CSMD3: variants seen among roughly 807,000 people sequenced by gnomAD.
The protein encoded by CSMD3 is CUB and sushi domain-containing protein 3.
In CSMD3, 177 loss-of-function variants were observed where a neutral mutation model predicts 435.2. That is an observed-to-expected ratio of 0.41 (90% confidence interval 0.36 to 0.46). The LOEUF is 0.46. Ranked by LOEUF, CSMD3 falls within the 20% of genes least tolerant of loss-of-function variation. CSMD3 has a pLI of 0.34. For missense variants in CSMD3, 4,265 were observed against 4,504.6 expected (o/e 0.95, Z 1.52); for synonymous variants, 1,656 against 1,520.5 (o/e 1.09, Z -2.07).
chr8:113,104,957 A>T (rs1257735189), intron 4 of CSMD3, among the ~76,000 whole-genome samples: 5 of 152,112 alleles, frequency 3.3e-5, no homozygotes. Context: ...CATGTTGAGA[A>T]AATGAGAGAC....
intron 1 of CSMD3, among the ~76,000 whole-genome samples, chr8:113,432,928 C>T (rs1475649878): frequency 6.6e-6 from 1 of 152,168 alleles, no homozygotes; most frequent in Non-Finnish European, 1.5e-5. Context: ...TGTCCTCCTC[C>T]CAGCAGCACA....
At chr8:112,650,067 A>G in intron 19 of CSMD3, 94 bp downstream of exon 19, 1 of 934,900 alleles carries the variant, frequency 1.1e-6, no homozygotes, top group Non-Finnish European at 1.7e-6. Context: ...AAAAAACCTA[A>G]AATATTTATA....
chr8:112,675,308 A>G (rs2075747782), intron 16 of CSMD3, among the ~76,000 whole-genome samples: 1 of 152,114 alleles, frequency 6.6e-6, no homozygotes, highest in Non-Finnish European at 1.5e-5. Flanking sequence ...TTAAATCATC[A>G]GCTTTGAGGC....
intron 61 of CSMD3, among the ~76,000 whole-genome samples, chr8:112,263,201 G>T (rs1182415647): frequency 6.6e-6 from 1 of 150,418 alleles, no homozygotes; most frequent in African/African-American, 2.4e-5. Context: ...TGCTTACCCT[G>T]GTAATTTTAG....
intron 31 of CSMD3, among the ~76,000 whole-genome samples, chr8:112,482,466 C>T (rs1224509436): frequency 6.6e-6 from 1 of 152,078 alleles, no homozygotes; most frequent in Non-Finnish European, 1.5e-5. Context: ...AAACTAACAC[C>T]ATTTTCTAAT....
intron 5 of CSMD3, among the ~76,000 whole-genome samples, chr8:113,039,956 TATC>T (rs1227521886): frequency 6.6e-6 from 1 of 152,164 alleles, no homozygotes; most frequent in East Asian, 1.9e-4. Flanking sequence ...CAGACAAAGA[TATC>T]ATCCTCAAAG....
rs10113850 is a variant in CSMD3 at position 112,359,933 on chromosome 8, C to T, written c.6137-7399G>A. On this transcript the variant is annotated intron_variant, in intron 38 of 70. Transcript: ENST00000297405. The stretch of plus-strand genomic sequence containing the variant: ...AAGGGTTTACAACTTTCTTCTCCAA[C>T]TAGATTTTGGAATCTAAGAAGAGAT... Among the ~76,000 whole-genome samples, 144 of 152,162 alleles carry T rather than the reference C, an allele frequency of 9.5e-4. 1 individual carries two copies. Among genetic ancestry groups the T allele is most frequent in the African/African-American group, 3.4e-3 (143 of 41,550 alleles).
At chr8:113,086,632 T>A (rs2089791433) in intron 5 of CSMD3, among the ~76,000 whole-genome samples, 2 of 152,214 alleles carry the variant, frequency 1.3e-5, no homozygotes, top group Admixed American at 1.3e-4. Context: ...ATCAGGCATA[T>A]CTACTGAGTA....
chr8:113,122,330 A>G (rs759404218), intron 4 of CSMD3, among the ~76,000 whole-genome samples: 8 of 152,122 alleles, frequency 5.3e-5, no homozygotes, highest in Non-Finnish European at 7.4e-5. Context: ...AGAAGCATCC[A>G]TGTTTAGATA....
chr8:113,123,499 A>G (rs567261439), intron 4 of CSMD3, among the ~76,000 whole-genome samples: 1 of 152,114 alleles, frequency 6.6e-6, no homozygotes, highest in Admixed American at 6.6e-5. Context: ...TTCTTAAGTT[A>G]TTTATGTAAT....
intron 13 of CSMD3, among the ~76,000 whole-genome samples, chr8:112,733,662 T>C (rs893338457): frequency 6.6e-6 from 1 of 151,962 alleles, no homozygotes; most frequent in Admixed American, 6.6e-5. Context: ...TATTAAACAT[T>C]GTATTTTGAA....
chr8:112,886,754 T>A (rs925123774), intron 10 of CSMD3, among the ~76,000 whole-genome samples: 16 of 151,562 alleles, frequency 1.1e-4, no homozygotes, highest in African/African-American at 3.9e-4. Flanking sequence ...TCAAGTTCCT[T>A]ATAAAATGTG....
intron 2 of CSMD3, among the ~76,000 whole-genome samples, chr8:113,298,517 T>C (rs138338416): frequency 2.6e-5 from 4 of 152,302 alleles, no homozygotes; most frequent in Admixed American, 2.6e-4. Flanking sequence ...CAGCAAGTAT[T>C]TTATTGAGCA....
chr8:113,329,324 T>C (rs1368759190), intron 1 of CSMD3, among the ~76,000 whole-genome samples: 1 of 151,976 alleles, frequency 6.6e-6, no homozygotes, highest in East Asian at 1.9e-4. Context: ...ATGGAAATTC[T>C]GCAGTTGAAA....
chr8:112,270,739 A>G lies in CSMD3; in HGVS notation c.9509-5149T>C, dbSNP rs1342176209. Among the ~76,000 whole-genome samples, 4 of 152,156 alleles carry G rather than the reference A, an allele frequency of 2.6e-5. No homozygotes were observed. The East Asian group carries it at 7.7e-4, about 29-fold the overall frequency. On this transcript the variant is annotated intron_variant, in intron 59 of 70. Transcript: ENST00000297405. ...AAACATGCTCTAATATAAGTTAAAG[A>G]TTTTTGAAAAGCTAAAAATTGGATT...
chr8:113,274,731 G>C (rs2093556106), intron 3 of CSMD3, among the ~76,000 whole-genome samples: 1 of 151,782 alleles, frequency 6.6e-6, no homozygotes, highest in Non-Finnish European at 1.5e-5. Flanking sequence ...TAATGTGTTT[G>C]TTCATTAGCT....
chr8:112,413,322 GT>G (rs1300717302), intron 32 of CSMD3, among the ~76,000 whole-genome samples: 1 of 152,222 alleles, frequency 6.6e-6, no homozygotes, highest in African/African-American at 2.4e-5. Flanking sequence ...GAGAGGTAGG[GT>G]TCCATTGACT....
chr8:112,808,240 C>T (rs899368318), intron 12 of CSMD3, among the ~76,000 whole-genome samples: 3 of 151,962 alleles, frequency 2.0e-5, no homozygotes, highest in African/African-American at 7.3e-5. Context: ...GAAGTCTTTC[C>T]GTCTTTAAAT....
intron 4 of CSMD3, among the ~76,000 whole-genome samples, chr8:113,152,091 A>C (rs986178160): frequency 6.6e-6 from 1 of 151,716 alleles, no homozygotes; most frequent in Non-Finnish European, 1.5e-5. Flanking sequence ...ATGGTGGTAC[A>C]ACCGCCTGAA....
Sources: gnomAD v4.1 joint callset for allele counts (sites outside exome capture counted in the v4.1 genomes callset) on GRCh38, gnomAD v4.1.1 for gene constraint, MANE v1.5 for transcripts, NCBI Gene and HGNC (gene_info 2026-07-23, HGNC 2026-07-21) for gene names.